SLC22A13: variants seen among roughly 807,000 people sequenced by gnomAD.
SLC22A13 encodes solute carrier family 22 member 13.
A neutral mutation model predicts 49.1 loss-of-function variants in SLC22A13; 42 were observed. That is an observed-to-expected ratio of 0.85 (90% CI 0.67 to 1.11). SLC22A13 has a LOEUF of 1.11. Among genes scored for constraint, SLC22A13 ranks in the 50% least tolerant of loss-of-function variants. The probability of loss-of-function intolerance (pLI) is 0.00; values close to 1 mark genes in which losing one functional copy is unlikely to be tolerated. For missense variants in SLC22A13, 694 were observed against 712.8 expected (o/e 0.97, Z 0.30); for synonymous variants, 282 against 293.1 (o/e 0.96, Z 0.39).
chr3:38,274,421 C>A, intron 2 of SLC22A13, 46 bp downstream of exon 2: 1 of 1,545,400 alleles, frequency 6.5e-7, no homozygotes, highest in South Asian at 1.1e-5. Flanking sequence ...AGCTCGTCAG[C>A]TCTGGCACAG....
In SLC22A13 at chr3:38,265,941, TC is replaced by T; in HGVS notation, c.82del (p.Leu28SerfsTer17). On this transcript the variant is annotated frameshift_variant, in exon 1 of 10. Coordinates refer to ENST00000311856, the MANE Select transcript of SLC22A13 (RefSeq NM_004256.4). LOFTEE classifies it high-confidence loss of function. ...TACAGCTATTGATCCTGCTGTGTGT[TC>T]TCAACTTCCTGTCTCCCTTCTACTT... ...QIQLLILLCVLNFLSPFYFFA... is the reference protein window; with the variant it reads ...QIQLLILLCVXNFLSPFYFFA... 1 of 1,614,158 alleles carries T rather than the reference TC, an allele frequency of 6.2e-7. No individual in the cohort carries two copies. Among genetic ancestry groups the T allele is most frequent in the Non-Finnish European group, 8.5e-7 (1 of 1,180,010 alleles).
In SLC22A13 at chr3:38,277,114, G is replaced by T; in HGVS notation, c.1549G>T (p.Gly517Trp). 6.4e-7 allele frequency: 1 copy of T among 1,563,168 alleles called. No individual in the cohort carries two copies. The highest frequency in any genetic ancestry group is 8.7e-7 in the Non-Finnish European group (1 of 1,153,568). Residue 517 changes from glycine to tryptophan, a missense_variant, in exon 9 of 10, where the codon GGG (glycine) becomes TGG (tryptophan). By Grantham distance (184) the Gly-to-Trp change is radical. Transcript: ENST00000311856. ...LKDTLQDLEL[G>W]PHPRSPKSVP... Reference sequence around the variant, plus strand: ...AGACACCCTCCAGGACCTGGAGCTGGGGCCTCACCCACGGTGAGCTGCTTG... The same window carrying T: ...AGACACCCTCCAGGACCTGGAGCTGTGGCCTCACCCACGGTGAGCTGCTTG...
intron 3 of SLC22A13, 44 bp from the exon 4 acceptor site, chr3:38,274,945 G>A: frequency 6.2e-7 from 1 of 1,602,950 alleles, no homozygotes; most frequent in Non-Finnish European, 8.5e-7. Context: ...AATGGGGAGT[G>A]AATGGCAGGG....
At chr3:38,272,740 A>C (rs976462155) in intron 1 of SLC22A13, among the ~76,000 whole-genome samples, 6 of 152,254 alleles carry the variant, frequency 3.9e-5, no homozygotes, top group African/African-American at 1.4e-4. Context: ...CAGAAGTATG[A>C]GCACAATGGT....
chr3:38,271,322 T>C (rs1703517941), intron 1 of SLC22A13, among the ~76,000 whole-genome samples: 1 of 151,986 alleles, frequency 6.6e-6, no homozygotes. Context: ...CCCAACACTT[T>C]GGGAGGCTGA....
At chr3:38,274,533 C>A (rs918399070) in intron 2 of SLC22A13, 71 bp from the exon 3 acceptor site, 3 of 1,545,258 alleles carry the variant, frequency 1.9e-6, no homozygotes, top group African/African-American at 2.7e-5. Flanking sequence ...CAGGGCTGGG[C>A]CCCCTTGCGG....
Position 38,275,367 on chromosome 3 carries a change from C to G in SLC22A13, c.807-3C>G. On this transcript the variant is annotated splice_region_variant and splice_polypyrimidine_tract_variant and intron_variant, in intron 4 of 9. Transcript: ENST00000311856. ...CAAGGTCATAGCCGTTGCTGACCCACAGGGCTCTGCCAGAATCTGCACGTT... is the reference window on the plus strand; with the variant it reads ...CAAGGTCATAGCCGTTGCTGACCCAGAGGGCTCTGCCAGAATCTGCACGTT... 6.2e-7 allele frequency: 1 copy of G among 1,614,176 alleles called. No individual in the cohort carries two copies. Among genetic ancestry groups the G allele is most frequent in the South Asian group, 1.1e-5 (1 of 91,088 alleles).
At chr3:38,269,840 A>G (rs1245486341) in intron 1 of SLC22A13, among the ~76,000 whole-genome samples, 1 of 150,644 alleles carries the variant, frequency 6.6e-6, no homozygotes, top group African/African-American at 2.4e-5. Context: ...AGCATTAGGT[A>G]TATCTCCTAC....
Position 38,275,979 on chromosome 3 carries a change from G to A in SLC22A13, c.1120G>A (p.Val374Met). ...GCAGCTCATCTTTGGAGCTGTTGAG[G>A]TGCCTGCCCGCTGTTCCAGCATCTT... ...LTQLIFGAVE[V>M]PARCSSIFMM... Residue 374 changes from valine (V) to methionine (M), a missense_variant, in exon 7 of 10, where the codon GTG (valine) becomes ATG (methionine). Transcript: ENST00000311856. 1 of 1,614,218 alleles carries A rather than the reference G, an allele frequency of 6.2e-7. No individual in the cohort carries two copies. Among genetic ancestry groups the A allele is most frequent in the South Asian group, 1.1e-5 (1 of 91,086 alleles).
intron 1 of SLC22A13, among the ~76,000 whole-genome samples, chr3:38,271,585 C>T (rs1216124897): frequency 1.4e-5 from 2 of 147,090 alleles, no homozygotes; most frequent in Non-Finnish European, 3.0e-5. Context: ...CCCCTGTCTA[C>T]GTGGACCTTG....
intron 1 of SLC22A13, among the ~76,000 whole-genome samples, chr3:38,271,610 G>T (rs914450269): frequency 6.6e-6 from 1 of 150,654 alleles, no homozygotes; most frequent in African/African-American, 2.4e-5. Flanking sequence ...GGGAAGGTGG[G>T]AAGACCATCA....
rs774951428 is a variant in SLC22A13 at position 38,274,586 on chromosome 3, C to A, written c.483-18C>A. 6.2e-7 allele frequency: 1 copy of A among 1,611,554 alleles called. No homozygotes were observed. Among genetic ancestry groups the A allele is most frequent in the African/African-American group, 1.3e-5 (1 of 75,056 alleles). On this transcript the variant is annotated intron_variant, in intron 2 of 9. Transcript: ENST00000311856. ...TTCCGGGAGGGACCCTCCCCACAGA[C>A]CTGCCCTGTTTCCTCAGGATTGGCC...
Position 38,277,378 on chromosome 3 carries a change from C to T in SLC22A13, c.1569C>T (p.Pro523=). ...DLELGPHPRS[P]KSVPSEKETE... ...AGCCTTCTGCTCCCTCTAGGTCCCCCAAATCAGTGCCCTCAGAGAAGGAAA... is the reference window on the plus strand; with the variant it reads ...AGCCTTCTGCTCCCTCTAGGTCCCCTAAATCAGTGCCCTCAGAGAAGGAAA... Residue 523 remains proline (P), a synonymous_variant, in exon 10 of 10, where the codon CCC becomes CCT. Coordinates refer to ENST00000311856, the MANE Select transcript of SLC22A13 (RefSeq NM_004256.4). The T allele has an allele frequency of 6.2e-7, 1 of 1,613,580 alleles. No individual in the cohort carries two copies. The highest frequency in any genetic ancestry group is 1.1e-5 in the South Asian group (1 of 91,020).
intron 4 of SLC22A13, 37 bp from the exon 5 acceptor site, chr3:38,275,333 T>G: frequency 6.2e-7 from 1 of 1,613,322 alleles, no homozygotes; most frequent in South Asian, 1.1e-5. Context: ...TCCCTAGGAC[T>G]CCAGGCCCCA....
Position 38,276,112 on chromosome 3 carries a change from A to C in SLC22A13, c.1237+16A>C. 1 of 1,603,670 alleles carries C rather than the reference A, an allele frequency of 6.2e-7. No individual in the cohort carries two copies. The highest frequency in any genetic ancestry group is 8.5e-7 in the Non-Finnish European group (1 of 1,172,084). On this transcript the variant is annotated intron_variant, in intron 7 of 9. Transcript: ENST00000311856. ...ATCCCAGCAGGTATCAGGGCTGGCT[A>C]TCCCTCACCCGCATGCCCCCTCACC...
At position 38,265,898 on chromosome 3, in the gene SLC22A13, A is replaced by G; in HGVS notation, c.38A>G (p.Asp13Gly). ...GTCCAGGTCCTGGCTGAAATAGGTG[A>G]CTTTGGTCGCTTCCAGATACAGCTA... The part of the protein sequence containing the change: ...QFVQVLAEIG[D>G]FGRFQIQLLI... Residue 13 changes from aspartate to glycine, a missense_variant, in exon 1 of 10, where the codon GAC (aspartate) becomes GGC (glycine). By Grantham distance (94) the Asp-to-Gly change is moderately conservative (BLOSUM62 -1). Transcript: ENST00000311856. 3 of 1,613,990 alleles carry G rather than the reference A, an allele frequency of 1.9e-6. No individual in the cohort carries two copies. The highest frequency in any genetic ancestry group is 1.1e-5 in the South Asian group (1 of 91,066).
At chr3:38,275,719 C>A (rs770209843) in intron 6 of SLC22A13, 47 bp downstream of exon 6, 1 of 1,584,628 alleles carries the variant, frequency 6.3e-7, no homozygotes, top group Non-Finnish European at 8.6e-7. Flanking sequence ...TGCAGCCTCC[C>A]TGGTGTGTGT....
At chr3:38,276,423 C>A in intron 8 of SLC22A13, 28 bp downstream of exon 8, 1 of 1,474,198 alleles carries the variant, frequency 6.8e-7, no homozygotes, top group Non-Finnish European at 9.4e-7. Flanking sequence ...ACTCCTGCTC[C>A]TCTGCTACTG....
chr3:38,274,363 C>G lies in SLC22A13; in HGVS notation c.470C>G (p.Pro157Arg). ...CTTGTTGGCACCCTCATGTTTGGGCCCCTCTGCGACCGGTAAGAACCTTGC... is the reference window on the plus strand; with the variant it reads ...CTTGTTGGCACCCTCATGTTTGGGCGCCTCTGCGACCGGTAAGAACCTTGC... The part of the protein sequence containing the change: ...GLLVGTLMFG[P>R]LCDRIGRKAT... The change falls in exon 2 of 10, where the codon CCC becomes CGC. Residue 157 changes from proline to arginine, a missense_variant. Physicochemically the swap from Pro to Arg is moderately radical, Grantham distance 103. Transcript: ENST00000311856. 6.2e-7 allele frequency: 1 copy of G among 1,613,796 alleles called. No individual in the cohort carries two copies. The highest frequency in any genetic ancestry group is 8.5e-7 in the Non-Finnish European group (1 of 1,179,666).
Sources: gnomAD v4.1 joint callset for allele counts (sites outside exome capture counted in the v4.1 genomes callset) on GRCh38, gnomAD v4.1.1 for gene constraint, MANE v1.5 for transcripts, NCBI Gene and HGNC (gene_info 2026-07-23, HGNC 2026-07-21) for gene names.